Variants in ARAP2 observed in about 807,000 individuals in gnomAD.
ARAP2 encodes the protein arf-GAP with Rho-GAP domain, ANK repeat and PH domain-containing protein 2.
Under a neutral mutation model 194.5 loss-of-function variants are expected in ARAP2, and 148 were observed. That is an observed-to-expected ratio of 0.76 (90% CI 0.67 to 0.87). ARAP2 has a LOEUF of 0.87. Ranked by LOEUF, ARAP2 falls within the 40% of genes least tolerant of loss-of-function variation. The pLI is 0.00. For synonymous variants in ARAP2, 695 were observed against 683.5 expected (o/e 1.02, Z -0.26); for missense variants, 2,128 against 1,989.7 (o/e 1.07, Z -1.32).
chr4:36,185,576 C>T (rs1231868689), intron 8 of ARAP2, among the ~76,000 whole-genome samples: 2 of 151,854 alleles, frequency 1.3e-5, no homozygotes, highest in African/African-American at 2.4e-5. Context: ...TATGCACTGA[C>T]ATATGTGCCA....
intron 19 of ARAP2, among the ~76,000 whole-genome samples, chr4:36,140,175 C>T (rs553455480): frequency 2.7e-5 from 4 of 150,190 alleles, no homozygotes; most frequent in Admixed American, 6.7e-5. Context: ...CACACACACA[C>T]ATCTTAGAGG....
chr4:36,054,700 A>AT (rs1723209355), intron 2 of ARAP2, among the ~76,000 whole-genome samples: 2 of 152,230 alleles, frequency 1.3e-5, no homozygotes, highest in South Asian at 4.1e-4. Context: ...GAATACACAA[A>AT]ATAACATTAA....
At chr4:36,207,273 C>T (rs1292056400) in intron 6 of ARAP2, among the ~76,000 whole-genome samples, 1 of 152,094 alleles carries the variant, frequency 6.6e-6, no homozygotes, top group African/African-American at 2.4e-5. Context: ...TATTTTAATC[C>T]TCAAAACCCA....
At chr4:36,123,563 A>G (rs1723181531) in intron 22 of ARAP2, among the ~76,000 whole-genome samples, 1 of 151,558 alleles carries the variant, frequency 6.6e-6, no homozygotes, top group Non-Finnish European at 1.5e-5. Flanking sequence ...AGGTGTTAAC[A>G]TTTCCAAGTG....
intron 5 of ARAP2, among the ~76,000 whole-genome samples, chr4:36,039,912 G>A (rs1510647): frequency 0.011 from 1,620 of 151,890 alleles, 13 homozygotes; most frequent in Non-Finnish European, 0.018. Flanking sequence ...AAGAGATGAA[G>A]GCCCAGATAA....
intron 2 of ARAP2, among the ~76,000 whole-genome samples, chr4:36,219,239 T>C (rs184180287): frequency 2.0e-5 from 3 of 152,330 alleles, no homozygotes; most frequent in South Asian, 2.1e-4. Flanking sequence ...TCAACGGCCA[T>C]GCATACAAAT....
intron 5 of ARAP2, among the ~76,000 whole-genome samples, chr4:36,028,228 C>T (rs1258486446): frequency 6.6e-6 from 1 of 151,912 alleles, no homozygotes; most frequent in African/African-American, 2.4e-5. Context: ...AGAAGATTTC[C>T]TTTTTGGCAT....
chr4:36,054,898 AT>A (rs1395597640), intron 2 of ARAP2, among the ~76,000 whole-genome samples: 1 of 152,196 alleles, frequency 6.6e-6, no homozygotes, highest in Non-Finnish European at 1.5e-5. Context: ...CTTTAAGGAC[AT>A]TTTATAATGA....
chr4:36,083,702 T>C (rs1403616143), intron 28 of ARAP2, among the ~76,000 whole-genome samples: 1 of 152,166 alleles, frequency 6.6e-6, no homozygotes, highest in Admixed American at 6.6e-5. Context: ...TATACAGACA[T>C]GCACATGGCT....
chr4:36,042,369 C>T (rs558171157), intron 5 of ARAP2, among the ~76,000 whole-genome samples: 8 of 152,248 alleles, frequency 5.3e-5, no homozygotes, highest in African/African-American at 1.2e-4. Context: ...TAAGGAACTA[C>T]GTTTACTTCC....
intron 5 of ARAP2, among the ~76,000 whole-genome samples, chr4:36,036,313 A>G (rs762567138): frequency 8.5e-5 from 13 of 152,100 alleles, no homozygotes; most frequent in Non-Finnish European, 1.8e-4. Flanking sequence ...TGGACGTGGC[A>G]TATAATTTAA....
intron 5 of ARAP2, among the ~76,000 whole-genome samples, chr4:36,019,745 A>C (rs901019918): frequency 2.0e-5 from 3 of 152,094 alleles, no homozygotes; most frequent in Admixed American, 2.0e-4. Flanking sequence ...GTGTGAAGGT[A>C]GGAGTGGTGA....
At chr4:36,131,944 G>A (rs1389646245) in intron 20 of ARAP2, among the ~76,000 whole-genome samples, 3 of 151,658 alleles carry the variant, frequency 2.0e-5, no homozygotes, top group Non-Finnish European at 3.0e-5. Flanking sequence ...CCAAATATGT[G>A]GGCCTTATGT....
chr4:36,222,035 T>C (rs930359272), intron 2 of ARAP2, among the ~76,000 whole-genome samples: 6 of 152,158 alleles, frequency 3.9e-5, no homozygotes, highest in Non-Finnish European at 8.8e-5. Flanking sequence ...CCAGTTATCC[T>C]GAAAACTGCT....
chr4:36,035,846 T>G (rs1719817583), intron 5 of ARAP2, among the ~76,000 whole-genome samples: 1 of 152,176 alleles, frequency 6.6e-6, no homozygotes, highest in Admixed American at 6.6e-5. Context: ...GTCAAAACGT[T>G]TTTCCATATG....
chr4:36,124,606 C>A (rs1007530117), intron 22 of ARAP2, among the ~76,000 whole-genome samples: 2 of 151,910 alleles, frequency 1.3e-5, no homozygotes, highest in Admixed American at 1.3e-4. Context: ...CCTGCACATC[C>A]TTTATTCTCC....
intron 10 of ARAP2, among the ~76,000 whole-genome samples, chr4:36,165,922 A>G (rs1453178756): frequency 6.6e-6 from 1 of 152,148 alleles, no homozygotes; most frequent in Non-Finnish European, 1.5e-5. Context: ...CATATTCTAA[A>G]TAATCCTTAA....
At chr4:36,110,798 G>A (rs188885681) in intron 26 of ARAP2, among the ~76,000 whole-genome samples, 9 of 151,874 alleles carry the variant, frequency 5.9e-5, no homozygotes, top group East Asian at 2.0e-4. Context: ...CAGTAATGGC[G>A]AAATATCATT....
intron 6 of ARAP2, among the ~76,000 whole-genome samples, chr4:36,016,775 C>A (rs1054568888): frequency 6.6e-6 from 1 of 152,144 alleles, no homozygotes; most frequent in Non-Finnish European, 1.5e-5. Context: ...ATAAATCACA[C>A]AACCTCTTGG....
Sources: gnomAD v4.1 joint callset for allele counts (sites outside exome capture counted in the v4.1 genomes callset) on GRCh38, gnomAD v4.1.1 for gene constraint, MANE v1.5 for transcripts, NCBI Gene and HGNC (gene_info 2026-07-23, HGNC 2026-07-21) for gene names.